FANK1: variants seen among roughly 807,000 people sequenced by gnomAD.
The protein encoded by FANK1 is fibronectin type III and ankyrin repeat domains 1.
FANK1 carries 44 observed loss-of-function variants against 45.3 expected under a neutral mutation model. The ratio of observed to expected loss-of-function variants is 0.97; its 90% CI spans 0.76 to 1.25. The LOEUF is 1.25. FANK1 is among the 50% of genes most tolerant of loss of function. The probability of loss-of-function intolerance (pLI) is 0.00; values close to 1 mark genes in which losing one functional copy is unlikely to be tolerated. For missense variants in FANK1, 391 were observed against 424.4 expected, an observed-to-expected ratio of 0.92 and a Z score of 0.69; for synonymous variants, 149 against 152.5, an observed-to-expected ratio of 0.98 and a Z score of 0.17.
intron 1 of FANK1, among the ~76,000 whole-genome samples, chr10:125,919,220 T>TTTTTTTTTTTTTC (rs1946748825): frequency 8.4e-6 from 1 of 119,444 alleles, no homozygotes; most frequent in African/African-American, 3.3e-5. Context: ...TTTTTTTTTT[T>TTTTTTTTTTTTTC]TTTGTGACAG....
intron 1 of FANK1, among the ~76,000 whole-genome samples, chr10:125,920,202 G>T (rs550011290): frequency 5.1e-4 from 77 of 152,276 alleles, no homozygotes; most frequent in African/African-American, 1.8e-3. Context: ...GGATGACATA[G>T]GCCGAAAAAA....
At chr10:125,911,842 TC>T (rs1407763016) in intron 1 of FANK1, among the ~76,000 whole-genome samples, 1 of 152,292 alleles carries the variant, frequency 6.6e-6, no homozygotes, top group East Asian at 1.9e-4. Flanking sequence ...TCTGTTTTTT[TC>T]TCCACTGCAT....
chr10:125,900,896 C>T (rs77197760), intron 1 of FANK1, among the ~76,000 whole-genome samples: 200 of 133,670 alleles, frequency 1.5e-3, no homozygotes, highest in South Asian at 3.0e-3. Context: ...GTGATCCACC[C>T]GCCTCGGCCT....
intron 1 of FANK1, among the ~76,000 whole-genome samples, chr10:125,900,003 ATTACTT>A (rs1944900965): frequency 6.6e-6 from 1 of 152,292 alleles, no homozygotes. Context: ...TTAGTTTTCT[ATTACTT>A]TTAGGAATGA....
At position 125,922,307 on chromosome 10, in the gene FANK1, G is replaced by A. The variant is rs543141460; in HGVS notation, c.13+25652G>A. Among the ~76,000 whole-genome samples, 465 of 152,274 alleles carry A rather than the reference G, an allele frequency of 3.1e-3. 2 individuals are homozygous for A. Among genetic ancestry groups the A allele is most frequent in the African/African-American group, 0.011 (441 of 41,538 alleles). Reference sequence around the variant, plus strand: ...TTTTAATTGTTTAACTTCAGGGTTTGTTTTATGACCCAGAATATGATCTCT... The same window carrying A: ...TTTTAATTGTTTAACTTCAGGGTTTATTTTATGACCCAGAATATGATCTCT... On this transcript the variant is annotated intron_variant, in intron 1 of 10. Transcript: ENST00000368693.
At chr10:125,988,258 T>A (rs1209505216) in intron 2 of FANK1, among the ~76,000 whole-genome samples, 1 of 152,248 alleles carries the variant, frequency 6.6e-6, no homozygotes, top group Non-Finnish European at 1.5e-5. Flanking sequence ...ACTTTGTTAC[T>A]TGAGGGCAAA....
chr10:125,978,430 G>C (rs1950984778), intron 1 of FANK1, among the ~76,000 whole-genome samples: 1 of 151,990 alleles, frequency 6.6e-6, no homozygotes, highest in Non-Finnish European at 1.5e-5. Context: ...TAAGGCACCT[G>C]AACAGTAAAG....
At chr10:125,987,358 G>A (rs1450068558) in intron 2 of FANK1, among the ~76,000 whole-genome samples, 1 of 152,022 alleles carries the variant, frequency 6.6e-6, no homozygotes, top group Non-Finnish European at 1.5e-5. Context: ...AATGATTCTG[G>A]TATCTTTGGA....
chr10:125,973,358 G>T (rs3740188), intron 1 of FANK1: 214,684 of 832,600 alleles, frequency 0.26, 29,010 homozygotes, highest in East Asian at 0.45. Flanking sequence ...TACCATTCCT[G>T]GTGTTTGGTT....
At chr10:125,945,170 C>G (rs1006549232) in intron 1 of FANK1, among the ~76,000 whole-genome samples, 1 of 152,178 alleles carries the variant, frequency 6.6e-6, no homozygotes. Context: ...TTAATCTAGT[C>G]TGACAGTTTG....
In FANK1 at chr10:125,988,663, G is replaced by A; in HGVS notation, c.304G>A (p.Val102Met). 1 of 1,614,188 alleles carries A rather than the reference G, an allele frequency of 6.2e-7. No homozygotes were observed. The highest frequency in any genetic ancestry group is 8.5e-7 in the Non-Finnish European group (1 of 1,180,034). Residue 102 changes from valine (V) to methionine (M), a missense_variant, in exon 3 of 11, where the codon GTG (valine) becomes ATG (methionine). Transcript: ENST00000368693. ...GTGTGAGTACAGCCCACTCGTCTCA[G>A]TGTCTACAACCAGTGAGTATTCAGA... ...GECEYSPLVS[V>M]STTREPISSE...
At chr10:125,994,037 A>G (rs1952126947) in intron 3 of FANK1, among the ~76,000 whole-genome samples, 1 of 152,186 alleles carries the variant, frequency 6.6e-6, no homozygotes, top group South Asian at 2.1e-4. Flanking sequence ...TATGCCCAGG[A>G]ACTGGCATCC....
chr10:126,003,649 C>T (rs1564971371), intron 6 of FANK1, among the ~76,000 whole-genome samples: 1 of 150,956 alleles, frequency 6.6e-6, no homozygotes. Context: ...GTGAATATTC[C>T]ATTCCCCATT....
intron 1 of FANK1, among the ~76,000 whole-genome samples, chr10:125,904,959 G>A (rs199906460): frequency 6.6e-6 from 1 of 151,174 alleles, no homozygotes; most frequent in East Asian, 1.9e-4. Context: ...CCCCGTCTCT[G>A]CTAAAAATAC....
intron 1 of FANK1, among the ~76,000 whole-genome samples, chr10:125,932,700 C>G (rs568852551): frequency 1.3e-5 from 2 of 152,052 alleles, no homozygotes; most frequent in South Asian, 2.1e-4. Flanking sequence ...ATTTGGATGC[C>G]CTTTCTTTTG....
chr10:125,962,698 G>GT (rs1348665105), intron 1 of FANK1, among the ~76,000 whole-genome samples: 1 of 152,048 alleles, frequency 6.6e-6, no homozygotes, highest in Non-Finnish European at 1.5e-5. Flanking sequence ...CGAAGACAGT[G>GT]TACTGACAGG....
intron 7 of FANK1, among the ~76,000 whole-genome samples, chr10:126,007,441 G>A (rs1395884366): frequency 6.6e-6 from 1 of 152,244 alleles, no homozygotes; most frequent in Non-Finnish European, 1.5e-5. Flanking sequence ...ATAATGGAGT[G>A]TGTTGCCCAC....
At chr10:125,919,434 G>A (rs1349929494) in intron 1 of FANK1, among the ~76,000 whole-genome samples, 5 of 152,018 alleles carry the variant, frequency 3.3e-5, no homozygotes, top group African/African-American at 7.2e-5. Flanking sequence ...TTGAACTCTC[G>A]ACCTCAGGTG....
At chr10:125,978,223 G>T (rs546361291) in intron 1 of FANK1, among the ~76,000 whole-genome samples, 8 of 151,794 alleles carry the variant, frequency 5.3e-5, no homozygotes, top group African/African-American at 1.9e-4. Flanking sequence ...GGGAGGTATG[G>T]ACCTGGTGTC....
Sources: gnomAD v4.1 joint callset for allele counts (sites outside exome capture counted in the v4.1 genomes callset) on GRCh38, gnomAD v4.1.1 for gene constraint, MANE v1.5 for transcripts, NCBI Gene and HGNC (gene_info 2026-07-23, HGNC 2026-07-21) for gene names.